The following BCAS4 variants were observed in gnomAD, a reference collection of about 807,000 sequenced individuals.
The protein encoded by BCAS4 is breast carcinoma amplified sequence 4.
BCAS4 carries 9 observed loss-of-function variants against 15.7 expected under a neutral mutation model. The ratio of observed to expected loss-of-function variants is 0.57; its 90% confidence interval spans 0.34 to 1.00. The LOEUF is 1.00. Among genes scored for constraint, BCAS4 ranks in the 50% least tolerant of loss-of-function variants. The probability of loss-of-function intolerance (pLI) is 0.02; values close to 1 mark genes in which losing one functional copy is unlikely to be tolerated. For synonymous variants in BCAS4, 101 were observed against 99.5 expected (o/e 1.02, Z -0.09); for missense variants, 225 against 239.1 (o/e 0.94, Z 0.39).
chr20:50,820,925 T>G (rs965113642), intron 2 of BCAS4, among the ~76,000 whole-genome samples: 1 of 152,198 alleles, frequency 6.6e-6, no homozygotes. Flanking sequence ...GGCATTAGCT[T>G]GTGACATTTT....
rs190270295 is a variant in BCAS4 at position 50,846,195 on chromosome 20, G to A, written c.399+4295G>A. ...CATTTTCATGCTGCACTATATAAACGAAAAGTTTTTAGTTATGCTTTTATA... is the reference window on the plus strand; with the variant it reads ...CATTTTCATGCTGCACTATATAAACAAAAAGTTTTTAGTTATGCTTTTATA... On this transcript the variant is annotated intron_variant, in intron 4 of 4. Transcript: ENST00000371608. Among the ~76,000 whole-genome samples, 27 of 152,324 alleles carry A rather than the reference G, an allele frequency of 1.8e-4. No homozygotes were observed. The East Asian group carries it at 4.4e-3, about 25-fold the overall frequency.
At chr20:50,810,731 C>T (rs1205281766) in intron 1 of BCAS4, among the ~76,000 whole-genome samples, 1 of 151,866 alleles carries the variant, frequency 6.6e-6, no homozygotes, top group Non-Finnish European at 1.5e-5. Flanking sequence ...GCTGGGACTA[C>T]AGCCGCCCGC....
chr20:50,820,899 G>C (rs528982697), intron 2 of BCAS4, among the ~76,000 whole-genome samples: 2 of 151,826 alleles, frequency 1.3e-5, no homozygotes, highest in Non-Finnish European at 2.9e-5. Context: ...TGATGTTTCT[G>C]GGGGGGAAAA....
intron 2 of BCAS4, among the ~76,000 whole-genome samples, chr20:50,818,610 C>T (rs1181464032): frequency 1.3e-5 from 2 of 152,186 alleles, no homozygotes; most frequent in South Asian, 4.1e-4. Flanking sequence ...AGCGGGGACG[C>T]TAGACTATAT....
chr20:50,808,926 G>A (rs781237244), intron 1 of BCAS4, among the ~76,000 whole-genome samples: 14 of 152,242 alleles, frequency 9.2e-5, no homozygotes, highest in African/African-American at 2.9e-4. Flanking sequence ...CTCTAGAAGC[G>A]TTTTTCCAAT....
intron 4 of BCAS4, among the ~76,000 whole-genome samples, chr20:50,849,048 C>T (rs527436108): frequency 1.3e-5 from 2 of 152,338 alleles, no homozygotes; most frequent in East Asian, 3.9e-4. Flanking sequence ...CGGAAGTGCA[C>T]AGAGGCCACA....
At chr20:50,855,565 C>T (rs904555091) in intron 4 of BCAS4, among the ~76,000 whole-genome samples, 22 of 152,134 alleles carry the variant, frequency 1.4e-4, no homozygotes, top group Admixed American at 1.2e-3. Flanking sequence ...GGGACCCCTT[C>T]CTCCTCAGAC....
At chr20:50,870,522 G>T (rs751660415) in intron 4 of BCAS4, among the ~76,000 whole-genome samples, 1 of 152,126 alleles carries the variant, frequency 6.6e-6, no homozygotes, top group East Asian at 1.9e-4. Flanking sequence ...GGATTGCCGG[G>T]GCCAACTCTG....
chr20:50,859,322 T>C (rs566543712), intron 4 of BCAS4, among the ~76,000 whole-genome samples: 61 of 152,312 alleles, frequency 4.0e-4, no homozygotes, highest in African/African-American at 1.3e-3. Flanking sequence ...ACTGCACTTA[T>C]CTTTGAACCA....
At chr20:50,843,975 T>G (rs958354374) in intron 4 of BCAS4, among the ~76,000 whole-genome samples, 1 of 150,996 alleles carries the variant, frequency 6.6e-6, no homozygotes, top group Non-Finnish European at 1.5e-5. Flanking sequence ...AAAACCCCAT[T>G]TATACAAAAA....
chr20:50,802,421 A>T (rs568894854), intron 1 of BCAS4, among the ~76,000 whole-genome samples: 2 of 152,108 alleles, frequency 1.3e-5, no homozygotes, highest in African/African-American at 2.4e-5. Context: ...CTGACTTTCT[A>T]CCCACAAAAC....
Position 50,851,321 on chromosome 20 carries a change from C to T in BCAS4, c.399+9421C>T, listed in dbSNP as rs1335374077. Among the ~76,000 whole-genome samples the T allele has an allele frequency of 6.6e-6, 1 of 152,096 alleles. No homozygotes were observed. Among genetic ancestry groups the T allele is most frequent in the Non-Finnish European group, 1.5e-5 (1 of 68,012 alleles). On this transcript the variant is annotated intron_variant, in intron 4 of 4. Transcript: ENST00000371608. This position sits in a 1 kb window ranked among gnomAD's most constrained non-coding sequence, Gnocchi z 4.3. ...TATGAGGACCACGACTGTGGAGGGC[C>T]GAGGGGTGCCGGGTCCCAGCCCCCA...
At chr20:50,836,751 T>G (rs1384368853) in intron 3 of BCAS4, among the ~76,000 whole-genome samples, 1 of 152,098 alleles carries the variant, frequency 6.6e-6, no homozygotes, top group Non-Finnish European at 1.5e-5. Flanking sequence ...TTGAGACAAG[T>G]TCTCGCTCTG....
intron 4 of BCAS4, among the ~76,000 whole-genome samples, chr20:50,860,273 G>A (rs1051390207): frequency 3.9e-5 from 6 of 152,158 alleles, no homozygotes; most frequent in African/African-American, 9.7e-5. Context: ...TCCCCAGTCC[G>A]ACTTGGACTC....
At chr20:50,852,504 C>T (rs1408759865) in intron 4 of BCAS4, among the ~76,000 whole-genome samples, 1 of 152,154 alleles carries the variant, frequency 6.6e-6, no homozygotes, top group Non-Finnish European at 1.5e-5. Flanking sequence ...GCCTCAGCCT[C>T]CTAAGTAGCT....
chr20:50,866,824 A>G (rs1448775507), intron 4 of BCAS4, among the ~76,000 whole-genome samples: 1 of 152,132 alleles, frequency 6.6e-6, no homozygotes, highest in African/African-American at 2.4e-5. Flanking sequence ...GGTTATGGCC[A>G]AGTGACTCGC....
chr20:50,847,383 G>A (rs1600883562), intron 4 of BCAS4, among the ~76,000 whole-genome samples: 1 of 152,110 alleles, frequency 6.6e-6, no homozygotes, highest in East Asian at 1.9e-4. Context: ...CGCTGCACCC[G>A]GTTGAAAAGC....
At chr20:50,831,877 C>T (rs768726720) in intron 3 of BCAS4, among the ~76,000 whole-genome samples, 7 of 152,158 alleles carry the variant, frequency 4.6e-5, no homozygotes, top group Admixed American at 1.3e-4. Context: ...CTGTCAGCAC[C>T]GAGGTAGCAG....
chr20:50,796,829 C>T (rs939362451), intron 1 of BCAS4, among the ~76,000 whole-genome samples: 13 of 144,952 alleles, frequency 9.0e-5, no homozygotes, highest in Admixed American at 6.2e-4. Context: ...TTTGAACAGA[C>T]GTTTTTAATT....
Sources: gnomAD v4.1 joint callset for allele counts (sites outside exome capture counted in the v4.1 genomes callset) on GRCh38, gnomAD v4.1.1 for gene constraint, Gnocchi (gnomAD v3.1) non-coding constraint, MANE v1.5 for transcripts, NCBI Gene and HGNC (gene_info 2026-07-23, HGNC 2026-07-21) for gene names.